THSD7B: variants seen among roughly 807,000 people sequenced by gnomAD.
THSD7B encodes the protein thrombospondin type 1 domain containing 7B, also known as thrombospondin type-1 domain-containing protein 7B.
A neutral mutation model predicts 213.6 loss-of-function variants in THSD7B; 138 were observed. That is an observed-to-expected ratio of 0.65 (90% CI 0.56 to 0.74). The LOEUF (loss-of-function observed/expected upper bound fraction) is 0.74, where lower values mean the gene tolerates loss of function less well. Among genes scored for constraint, THSD7B ranks in the 30% least tolerant of loss-of-function variants. The pLI is 0.00. For missense variants in THSD7B, 1,931 were observed against 1,991.5 expected (o/e 0.97, Z 0.58); for synonymous variants, 742 against 687.0 (o/e 1.08, Z -1.25).
chr2:137,029,078 C>CTTTTTTTTTT (rs11443045), intron 2 of THSD7B, among the ~76,000 whole-genome samples: 1 of 121,014 alleles, frequency 8.3e-6, no homozygotes, highest in Non-Finnish European at 1.6e-5. Context: ...TCTTTGTAAG[C>CTTTTTTTTTT]TTTTTTTTTT....
Position 137,484,576 on chromosome 2 carries a change from G to T in THSD7B, c.3138+33553G>T, listed in dbSNP as rs1305573821. Among the ~76,000 whole-genome samples the T allele has an allele frequency of 8.4e-3, 652 of 78,080 alleles. 11 individuals are homozygous for T. The highest frequency in any genetic ancestry group is 0.032 in the African/African-American group (603 of 18,922). 51.2% of individuals were successfully genotyped at this position (78,080 alleles called of 152,430 possible). ...GGGTCAAATGATATTTCTAGTTCTA[G>T]ATCCCTGAGGAATCGCCACACTGAC... On this transcript the variant is annotated intron_variant, in intron 15 of 27. Coordinates refer to ENST00000409968, the MANE Select transcript of THSD7B (RefSeq NM_001316349.2).
intron 7 of THSD7B, among the ~76,000 whole-genome samples, chr2:137,198,867 C>G (rs1680819624): frequency 6.6e-6 from 1 of 152,098 alleles, no homozygotes; most frequent in Non-Finnish European, 1.5e-5. Context: ...CTTACTGTTG[C>G]TGTTTTACCC....
intron 1 of THSD7B, among the ~76,000 whole-genome samples, chr2:136,825,718 A>ATTTTTTCTTTTTTTTT (rs1682635026): frequency 8.6e-6 from 1 of 116,896 alleles, no homozygotes; most frequent in South Asian, 3.1e-4. Context: ...TGCCTGGCTA[A>ATTTTTTCTTTTTTTTT]TTTTTTTTTT....
chr2:137,562,391 T>C (rs535963293), intron 15 of THSD7B, among the ~76,000 whole-genome samples: 44 of 152,150 alleles, frequency 2.9e-4, no homozygotes, highest in African/African-American at 9.9e-4. Context: ...AGCAATGCAA[T>C]TGAAATGCAG....
intron 11 of THSD7B, 78 bp downstream of exon 11, chr2:137,272,740 G>C: frequency 6.8e-7 from 1 of 1,477,550 alleles, no homozygotes; most frequent in Non-Finnish European, 9.1e-7. Context: ...ACATATGGTC[G>C]TTTGGTGAAA....
chr2:137,220,681 T>G (rs1316614360), intron 7 of THSD7B, among the ~76,000 whole-genome samples: 2 of 152,174 alleles, frequency 1.3e-5, no homozygotes, highest in Non-Finnish European at 2.9e-5. Context: ...TTCAGCAATT[T>G]CACCCTTAAT....
At chr2:136,900,339 TA>T (rs1684042496) in intron 2 of THSD7B, among the ~76,000 whole-genome samples, 2 of 152,158 alleles carry the variant, frequency 1.3e-5, no homozygotes, top group Non-Finnish European at 2.9e-5. Flanking sequence ...TTGTGATAGC[TA>T]AAAAGTTTCC....
intron 12 of THSD7B, among the ~76,000 whole-genome samples, chr2:137,378,645 C>T (rs555001529): frequency 3.9e-5 from 6 of 152,204 alleles, no homozygotes; most frequent in South Asian, 2.1e-4. Flanking sequence ...ATTCTTTCAC[C>T]GCTCATTCTT....
chr2:136,918,259 G>A (rs1439612690), intron 2 of THSD7B, among the ~76,000 whole-genome samples: 1 of 152,034 alleles, frequency 6.6e-6, no homozygotes, highest in Non-Finnish European at 1.5e-5. Context: ...TTCTGATGGA[G>A]GAACCTTTCG....
chr2:137,509,516 ATTTG>A (rs530464673), intron 15 of THSD7B, among the ~76,000 whole-genome samples: 8 of 151,460 alleles, frequency 5.3e-5, no homozygotes, highest in Non-Finnish European at 7.4e-5. Flanking sequence ...ATTGAATTTT[ATTTG>A]TTTGGTCATT....
At chr2:137,156,754 G>T (rs1025100854) in intron 5 of THSD7B, among the ~76,000 whole-genome samples, 1 of 152,034 alleles carries the variant, frequency 6.6e-6, no homozygotes, top group Non-Finnish European at 1.5e-5. Flanking sequence ...AGCCCTTCCC[G>T]CACAGACATG....
chr2:137,633,122 A>G (rs559670353), intron 20 of THSD7B, among the ~76,000 whole-genome samples: 5 of 152,314 alleles, frequency 3.3e-5, no homozygotes, highest in Admixed American at 6.5e-5. Flanking sequence ...TCCCAAATCT[A>G]TATCCACCAG....
rs151300854 is a variant in THSD7B, at chr2:137,295,702, C to T, written c.2500+19676C>T. 4.5e-4 allele frequency among the ~76,000 whole-genome samples: 69 copies of T among 152,130 alleles called. No homozygotes were observed. The East Asian group carries it at 0.013, about 29-fold the overall frequency. ...TGTTGGCCAAGATGGTCTTGATCTC[C>T]TGATCTCATGATCCTCCTGCCTCAT... On this transcript the variant is annotated intron_variant, in intron 12 of 27. Coordinates refer to ENST00000409968, the MANE Select transcript of THSD7B (RefSeq NM_001316349.2).
chr2:137,283,137 G>A (rs1309660432), intron 12 of THSD7B, among the ~76,000 whole-genome samples: 1 of 152,028 alleles, frequency 6.6e-6, no homozygotes, highest in East Asian at 1.9e-4. Context: ...TTGTAAGTTG[G>A]ATTCCTAGGT....
intron 2 of THSD7B, among the ~76,000 whole-genome samples, chr2:137,056,005 A>G (rs567606770): frequency 1.3e-5 from 2 of 152,200 alleles, no homozygotes; most frequent in Non-Finnish European, 2.9e-5. Flanking sequence ...TGAATGAAAC[A>G]CCACCTCAGT....
intron 12 of THSD7B, among the ~76,000 whole-genome samples, chr2:137,364,159 GA>G: frequency 6.6e-6 from 1 of 152,262 alleles, no homozygotes; most frequent in East Asian, 1.9e-4. Context: ...TATCTCAAAA[GA>G]TGCAGCAAAG....
chr2:137,607,069 G>C (rs114192817), intron 17 of THSD7B, among the ~76,000 whole-genome samples: 3,563 of 151,876 alleles, frequency 0.023, 49 homozygotes, highest in Middle Eastern at 0.071. Flanking sequence ...TAATATAATG[G>C]GACTGACAAG....
At chr2:137,675,825 AGG>A (rs1481524127) in intron 27 of THSD7B, among the ~76,000 whole-genome samples, 2 of 152,190 alleles carry the variant, frequency 1.3e-5, no homozygotes, top group Admixed American at 1.3e-4. Flanking sequence ...GCAGAATTAA[AGG>A]TTACAAGCAT....
At chr2:136,862,987 C>A (rs1035031076) in intron 1 of THSD7B, among the ~76,000 whole-genome samples, 2 of 152,188 alleles carry the variant, frequency 1.3e-5, no homozygotes, top group African/African-American at 4.8e-5. Flanking sequence ...CTATTGCTTA[C>A]GCTTTCTCTC....
Sources: gnomAD v4.1 joint callset for allele counts (sites outside exome capture counted in the v4.1 genomes callset) on GRCh38, gnomAD v4.1.1 for gene constraint, MANE v1.5 for transcripts, NCBI Gene and HGNC (gene_info 2026-07-23, HGNC 2026-07-21) for gene names.